BLVRA: variants seen among roughly 807,000 people sequenced by gnomAD.
BLVRA encodes BVR A.
BLVRA carries 22 observed loss-of-function variants against 32.8 expected under a neutral mutation model. The ratio of observed to expected loss-of-function variants is 0.67; its 90% CI spans 0.48 to 0.96. The LOEUF (loss-of-function observed/expected upper bound fraction) is 0.96, where lower values mean the gene tolerates loss of function less well. Ranked by LOEUF, BLVRA falls within the 40% of genes least tolerant of loss-of-function variation. BLVRA has a pLI of 0.00. For synonymous variants in BLVRA, 119 were observed against 141.3 expected (o/e 0.84, Z 1.12); for missense variants, 323 against 358.1 (o/e 0.90, Z 0.79).
At chr7:43,795,287 G>A (rs569208067) in intron 5 of BLVRA, among the ~76,000 whole-genome samples, 157 of 151,938 alleles carry the variant, frequency 1.0e-3, no homozygotes, top group African/African-American at 3.5e-3. Context: ...AGGCTGAGGC[G>A]GGCGAATCAC....
chr7:43,798,870 A>G (rs2095795656), intron 5 of BLVRA, among the ~76,000 whole-genome samples: 1 of 152,140 alleles, frequency 6.6e-6, no homozygotes, highest in Non-Finnish European at 1.5e-5. Flanking sequence ...GAAAACAACA[A>G]AAGACACAGC....
At chr7:43,796,121 C>CAAAAAAAAAAAAAAAA (rs371922009) in intron 5 of BLVRA, among the ~76,000 whole-genome samples, 1 of 66,692 alleles carries the variant, frequency 1.5e-5, no homozygotes, top group African/African-American at 6.1e-5. Flanking sequence ...CTCTGTCTCA[C>CAAAAAAAAAAAAAAAA]AAAAAAAAAA....
chr7:43,795,772 A>G (rs973848215), intron 5 of BLVRA, among the ~76,000 whole-genome samples: 1 of 152,104 alleles, frequency 6.6e-6, no homozygotes, highest in African/African-American at 2.4e-5. Flanking sequence ...GTTTTTTTGA[A>G]AAAAATCCAT....
chr7:43,758,925 C>G (rs1399485243), intron 1 of BLVRA, among the ~76,000 whole-genome samples, 191 bp downstream of exon 1: 4 of 152,018 alleles, frequency 2.6e-5, no homozygotes, highest in African/African-American at 9.7e-5. Flanking sequence ...AGTGAGGACG[C>G]GGTCGGAGGC....
chr7:43,767,493 A>T lies in BLVRA; in HGVS notation c.-21-3645A>T, dbSNP rs2095749505. 10 of 1,292,616 alleles carry T rather than the reference A, an allele frequency of 7.7e-6. No homozygotes were observed. In the East Asian group the frequency reaches 2.3e-4, roughly 30 times the overall value. 80.1% of individuals were successfully genotyped at this position (1,292,616 alleles called of 1,614,324 possible). A position where few individuals can be genotyped will look rare whatever the true frequency, so the allele number is the denominator to read the frequency against. On this transcript the variant is annotated intron_variant, in intron 1 of 7. Transcript: ENST00000265523. The stretch of plus-strand genomic sequence containing the variant: ...ATATCCAATAAGGACAGCTGTTTTT[A>T]TGCTGCTATTGTTGCCGTGGTCACC...
At chr7:43,774,855 G>A (rs1310642986) in intron 2 of BLVRA, among the ~76,000 whole-genome samples, 5 of 152,094 alleles carry the variant, frequency 3.3e-5, no homozygotes, top group African/African-American at 9.7e-5. Context: ...GGTCCTTCAC[G>A]TCCCTTGTAA....
At chr7:43,770,715 C>T (rs2132550787) in intron 1 of BLVRA, among the ~76,000 whole-genome samples, 1 of 152,198 alleles carries the variant, frequency 6.6e-6, no homozygotes, top group South Asian at 2.1e-4. Context: ...TGCAGTCCTC[C>T]AGAAACTCAG....
intron 5 of BLVRA, among the ~76,000 whole-genome samples, chr7:43,796,139 AAAAG>A (rs1270297351): frequency 6.7e-6 from 1 of 149,478 alleles, no homozygotes; most frequent in Admixed American, 6.7e-5. Flanking sequence ...AAAAAAAAAG[AAAAG>A]AAAAGAAAAG....
intron 5 of BLVRA, among the ~76,000 whole-genome samples, chr7:43,796,229 A>G (rs905088682): frequency 6.6e-6 from 1 of 152,190 alleles, no homozygotes; most frequent in Non-Finnish European, 1.5e-5. Flanking sequence ...TGAAATAAAA[A>G]GGATTATATG....
At chr7:43,805,430 C>T (rs986744680) in intron 7 of BLVRA, among the ~76,000 whole-genome samples, 6 of 151,962 alleles carry the variant, frequency 3.9e-5, no homozygotes, top group African/African-American at 1.5e-4. Context: ...TTATAGGCGC[C>T]TGCCACCACG....
chr7:43,775,328 TA>T (rs1438882698), intron 2 of BLVRA, among the ~76,000 whole-genome samples: 3 of 152,344 alleles, frequency 2.0e-5, no homozygotes, highest in African/African-American at 7.2e-5. Context: ...ATACCTAATT[TA>T]TTGAGAGTTT....
In BLVRA at chr7:43,758,739, G is replaced by GGC. The variant is rs2095738990; in HGVS notation, c.-22+13_-22+14dup. ...GGAGAGCGGTGCCCGCGTCAGGTGA[G>GGC]GCGCGCGCGGGGAACGGGGGTCGCG... On this transcript the variant is annotated splice_donor_region_variant and intron_variant, in intron 1 of 7. Coordinates refer to ENST00000265523, the MANE Select transcript of BLVRA (RefSeq NM_000712.4). The GGC allele has an allele frequency of 6.6e-6, 1 of 152,136 alleles. No homozygotes were observed. The highest frequency in any genetic ancestry group is 1.5e-5 in the Non-Finnish European group (1 of 68,084). 9.4% of individuals were successfully genotyped at this position (152,136 alleles called of 1,614,324 possible).
chr7:43,758,513 G>A (rs1455173401), upstream of BLVRA, among the ~76,000 whole-genome samples: 1 of 152,192 alleles, frequency 6.6e-6, no homozygotes, highest in Non-Finnish European at 1.5e-5. Context: ...CCAGACCCAG[G>A]GCACAGAGGC....
Position 43,771,219 on chromosome 7 carries a change from C to T in BLVRA, c.12+49C>T, listed in dbSNP as rs776653565. The T allele has an allele frequency of 3.1e-6, 5 of 1,597,492 alleles. No homozygotes were observed. The East Asian group carries it at 8.9e-5, about 29-fold the overall frequency. ...TTAAGGGATGCTTTTCTTATTGTGT[C>T]CCTCATTTCTCCTTTGCAGAGTCTC... On this transcript the variant is annotated intron_variant, in intron 2 of 7. Coordinates refer to ENST00000265523, the MANE Select transcript of BLVRA (RefSeq NM_000712.4).
At chr7:43,795,667 ACT>A (rs1203612480) in intron 5 of BLVRA, among the ~76,000 whole-genome samples, 1 of 152,234 alleles carries the variant, frequency 6.6e-6, no homozygotes, top group African/African-American at 2.4e-5. Context: ...AGAAGAGCAA[ACT>A]CAATCGAAAA....
At chr7:43,776,480 A>G (rs924514628) in intron 2 of BLVRA, among the ~76,000 whole-genome samples, 3 of 152,058 alleles carry the variant, frequency 2.0e-5, no homozygotes, top group African/African-American at 7.2e-5. Flanking sequence ...CCTGAGTTCT[A>G]GTTTGATTGC....
intron 2 of BLVRA, among the ~76,000 whole-genome samples, chr7:43,782,322 A>C (rs1191748068): frequency 6.6e-6 from 1 of 152,240 alleles, no homozygotes; most frequent in African/African-American, 2.4e-5. Flanking sequence ...GGAGGGAGAA[A>C]GACAGAAGAA....
At chr7:43,776,939 G>A (rs1252627937) in intron 2 of BLVRA, among the ~76,000 whole-genome samples, 1 of 152,100 alleles carries the variant, frequency 6.6e-6, no homozygotes, top group Non-Finnish European at 1.5e-5. Flanking sequence ...TTTAAATTCT[G>A]TTTTATCAGA....
At position 43,787,915 on chromosome 7, in the gene BLVRA, GT is replaced by G; in HGVS notation, c.27del (p.Phe9LeufsTer16). The G allele has an allele frequency of 6.2e-7, 1 of 1,614,220 alleles. No homozygotes were observed. The highest frequency in any genetic ancestry group is 1.1e-5 in the South Asian group (1 of 91,078). On this transcript the variant is annotated frameshift_variant, in exon 3 of 8. Coordinates refer to ENST00000265523, the MANE Select transcript of BLVRA (RefSeq NM_000712.4). LOFTEE classifies it high-confidence loss of function. The surrounding 1 kb of genome is among the most constrained non-coding windows in gnomAD (Gnocchi z 4.5). MNAEPERK[F>X]GVVVVGVGRA... ...CCCTTGTGTTTCAGCCCGAGAGGAA[GT>G]TTGGCGTGGTGGTGGTTGGTGTTGG... is the stretch of plus-strand genomic sequence containing the variant.
Sources: allele counts gnomAD v4.1 joint callset (sites outside exome capture counted in the v4.1 genomes callset), GRCh38; gene constraint gnomAD v4.1.1; non-coding constraint Gnocchi (gnomAD v3.1); transcripts MANE v1.5; gene names NCBI Gene and HGNC (gene_info 2026-07-23, HGNC 2026-07-21).